Variants in CNTNAP4 observed in about 807,000 individuals in gnomAD.
CNTNAP4 encodes the protein contactin-associated protein-like 4.
In CNTNAP4, 98 loss-of-function variants were observed where a neutral mutation model predicts 148.4. The observed-to-expected ratio is 0.66, with a 90% CI of 0.56 to 0.78. The LOEUF is 0.78. Ranked by LOEUF, CNTNAP4 falls within the 30% of genes least tolerant of loss-of-function variation. The pLI is 0.00. For missense variants in CNTNAP4, 1,935 were observed against 1,565.6 expected (o/e 1.24, Z -3.98); for synonymous variants, 730 against 565.1 (o/e 1.29, Z -4.14).
In CNTNAP4 at chr16:76,522,687, C is replaced by CTTTTCT. The variant is rs201677733; in HGVS notation, c.2755+433_2755+434insTCTTTT. On this transcript the variant is annotated intron_variant, in intron 17 of 23. Transcript: ENST00000611870. ...CTTTCCTTCTTTCTCTCTTTCTCTC[C>CTTTTCT]TTTCTTTTCTTTTCTTTTCTTTTCT... Among the ~76,000 whole-genome samples the CTTTTCT allele has an allele frequency of 1.2e-3, 37 of 30,158 alleles. 5 individuals carry two copies. The highest frequency in any genetic ancestry group is 4.5e-3 in the African/African-American group (34 of 7,602). The allele number at this position is 30,158 out of a possible 152,430, so 19.8% of individuals were successfully genotyped here. A position where few individuals can be genotyped will look rare whatever the true frequency, so the allele number is the denominator to read the frequency against.
chr16:76,451,814 A>G (rs990666251), intron 7 of CNTNAP4, among the ~76,000 whole-genome samples: 3 of 152,170 alleles, frequency 2.0e-5, no homozygotes, highest in Non-Finnish European at 2.9e-5. Flanking sequence ...CTAGTTTTCA[A>G]TAGCACAGTA....
chr16:76,538,618 C>G (rs1451854830), intron 19 of CNTNAP4, among the ~76,000 whole-genome samples: 1 of 151,858 alleles, frequency 6.6e-6, no homozygotes, highest in African/African-American at 2.4e-5. Context: ...TTGTTAGAAG[C>G]TCCTTGACTA....
intron 3 of CNTNAP4, among the ~76,000 whole-genome samples, 191 bp downstream of exon 3, chr16:76,355,702 G>A (rs1316402498): frequency 2.0e-5 from 3 of 151,674 alleles, no homozygotes; most frequent in African/African-American, 7.3e-5. Flanking sequence ...AGAATACTAA[G>A]GGTAAATTTA....
At chr16:76,389,753 A>C (rs561000776) in intron 3 of CNTNAP4, among the ~76,000 whole-genome samples, 1 of 152,236 alleles carries the variant, frequency 6.6e-6, no homozygotes, top group South Asian at 2.1e-4. Context: ...GGCGTGAGCC[A>C]CCACATCCAG....
chr16:76,411,104 G>A (rs1170907957), intron 3 of CNTNAP4, among the ~76,000 whole-genome samples: 8 of 151,304 alleles, frequency 5.3e-5, no homozygotes, highest in Admixed American at 2.6e-4. Context: ...GCCGTGATGA[G>A]GGTCATCAGT....
chr16:76,391,206 T>G (rs2016961822), intron 3 of CNTNAP4, among the ~76,000 whole-genome samples: 1 of 152,194 alleles, frequency 6.6e-6, no homozygotes, highest in Non-Finnish European at 1.5e-5. Flanking sequence ...CACTGACTGC[T>G]GGCCAAAGTG....
intron 4 of CNTNAP4, among the ~76,000 whole-genome samples, chr16:76,437,621 A>G (rs148867068): frequency 1.1e-3 from 163 of 152,276 alleles, no homozygotes; most frequent in Non-Finnish European, 1.7e-3. Context: ...TTGATCACCT[A>G]TGAGAGACAT....
intron 3 of CNTNAP4, among the ~76,000 whole-genome samples, chr16:76,391,232 C>T (rs550354747): frequency 6.6e-6 from 1 of 152,262 alleles, no homozygotes; most frequent in African/African-American, 2.4e-5. Context: ...ATTTCTCCCG[C>T]TCCTTTGCAT....
intron 17 of CNTNAP4, among the ~76,000 whole-genome samples, chr16:76,525,626 AG>A (rs1211852636): frequency 3.1e-5 from 3 of 98,052 alleles, no homozygotes; most frequent in African/African-American, 1.0e-4. Flanking sequence ...GTTTATATGT[AG>A]TTTATAACTA....
intron 2 of CNTNAP4, among the ~76,000 whole-genome samples, chr16:76,352,219 G>A (rs1567815196): frequency 6.6e-6 from 1 of 152,154 alleles, no homozygotes; most frequent in Admixed American, 6.5e-5. Context: ...ATTAGTACCA[G>A]ACCCTAGAAG....
In CNTNAP4 at chr16:76,549,643, A is replaced by G. The variant is rs1337101134; in HGVS notation, c.3443-3640A>G. 2.6e-5 allele frequency among the ~76,000 whole-genome samples: 4 copies of G among 151,378 alleles called. No homozygotes were observed. The East Asian group carries it at 7.8e-4, about 29-fold the overall frequency. On this transcript the variant is annotated intron_variant, in intron 21 of 23. Transcript: ENST00000611870. ...AGGAGATTCTCATAAAGCAAAAAAA[A>G]GACCTTGAGGATCTAAAAAATATGA...
At chr16:76,423,778 G>T (rs74026774) in intron 3 of CNTNAP4, among the ~76,000 whole-genome samples, 5,747 of 152,126 alleles carry the variant, frequency 0.038, 355 homozygotes, top group African/African-American at 0.13. Flanking sequence ...CAAATTTATT[G>T]ATCAGTTAAT....
intron 13 of CNTNAP4, among the ~76,000 whole-genome samples, chr16:76,492,995 C>T (rs369361267): frequency 6.6e-6 from 1 of 151,288 alleles, no homozygotes; most frequent in Admixed American, 6.6e-5. Context: ...GCTCAATAAC[C>T]AGTTTTAGAA....
intron 3 of CNTNAP4, among the ~76,000 whole-genome samples, chr16:76,364,377 T>A (rs2013850550): frequency 6.6e-6 from 1 of 152,074 alleles, no homozygotes. Flanking sequence ...AGCAAAAAAT[T>A]TATTTGAAGA....
intron 3 of CNTNAP4, among the ~76,000 whole-genome samples, chr16:76,357,282 T>C (rs1230970899): frequency 1.3e-5 from 2 of 152,238 alleles, no homozygotes; most frequent in African/African-American, 4.8e-5. Flanking sequence ...GGCTAATGCA[T>C]GCTAATATTT....
intron 1 of CNTNAP4, among the ~76,000 whole-genome samples, chr16:76,298,486 ATGTG>A (rs3975398): frequency 0.1 from 13,292 of 129,264 alleles, 636 homozygotes; most frequent in Non-Finnish European, 0.11. Context: ...GTGTACATGT[ATGTG>A]TGTGTGTGTG....
intron 21 of CNTNAP4, among the ~76,000 whole-genome samples, chr16:76,552,343 A>G (rs1309446972): frequency 6.6e-6 from 1 of 152,188 alleles, no homozygotes; most frequent in Non-Finnish European, 1.5e-5. Flanking sequence ...AAACCATATC[A>G]ATAGTTGTGC....
chr16:76,369,239 G>T (rs74499745), intron 3 of CNTNAP4, among the ~76,000 whole-genome samples: 18 of 151,938 alleles, frequency 1.2e-4, no homozygotes, highest in Non-Finnish European at 2.2e-4. Context: ...AAAATAATAC[G>T]TTCTTTCATT....
At chr16:76,308,107 T>A (rs1960689377) in intron 1 of CNTNAP4, among the ~76,000 whole-genome samples, 1 of 136,108 alleles carries the variant, frequency 7.3e-6, no homozygotes, top group African/African-American at 2.9e-5. Flanking sequence ...AGTTACTTGT[T>A]TTAAATTGCA....
Sources: allele counts gnomAD v4.1 joint callset (sites outside exome capture counted in the v4.1 genomes callset), GRCh38; gene constraint gnomAD v4.1.1; transcripts MANE v1.5; gene names NCBI Gene and HGNC (gene_info 2026-07-23, HGNC 2026-07-21).